The following ZNRF3 variants were observed in gnomAD, a reference collection of about 807,000 sequenced individuals.
The protein encoded by ZNRF3 is E3 ubiquitin-protein ligase ZNRF3.
Under a neutral mutation model 72.5 loss-of-function variants are expected in ZNRF3, and 23 were observed. The ratio of observed to expected loss-of-function variants is 0.32; its 90% CI spans 0.23 to 0.45. ZNRF3 has a LOEUF of 0.45. Ranked by LOEUF, ZNRF3 falls within the 20% of genes least tolerant of loss-of-function variation. The pLI is 1.00. For synonymous variants in ZNRF3, 610 were observed against 545.3 expected (o/e 1.12, Z -1.65); for missense variants, 1,169 against 1,272.1 (o/e 0.92, Z 1.23).
At position 29,053,696 on chromosome 22, in the gene ZNRF3, A is replaced by G; in HGVS notation, c.*74A>G. 4 of 1,484,366 alleles carry G rather than the reference A, an allele frequency of 2.7e-6. No individual in the cohort carries two copies. 91.9% of individuals were successfully genotyped at this position (1,484,366 alleles called of 1,614,324 possible). On this transcript the variant is annotated 3_prime_UTR_variant, in exon 9 of 9. Transcript: ENST00000544604. ...AAACTGACTTCTTTCAAAAAACAAA[A>G]ACAAAAAATTTTTTTAGCTTTGACA...
At chr22:29,041,988 A>G (rs972500702) in intron 2 of ZNRF3, among the ~76,000 whole-genome samples, 1 of 152,152 alleles carries the variant, frequency 6.6e-6, no homozygotes, top group Non-Finnish European at 1.5e-5. Flanking sequence ...GTTGATGTGT[A>G]GGTTGTTTTC....
chr22:28,986,595 G>T (rs2035858048), intron 1 of ZNRF3: 2 of 985,064 alleles, frequency 2.0e-6, no homozygotes, highest in African/African-American at 1.7e-5. Flanking sequence ...GGTGATTTCT[G>T]TGGTCTCTGC....
chr22:29,053,708 T>G lies in ZNRF3; in HGVS notation c.*86T>G. The G allele has an allele frequency of 7.1e-7, 1 of 1,409,058 alleles. No homozygotes were observed. Among genetic ancestry groups the G allele is most frequent in the Non-Finnish European group, 9.7e-7 (1 of 1,031,740 alleles). The allele number at this position is 1,409,058 out of a possible 1,614,324, so 87.3% of individuals were successfully genotyped here. On this transcript the variant is annotated 3_prime_UTR_variant, in exon 9 of 9. Coordinates refer to ENST00000544604, the MANE Select transcript of ZNRF3 (RefSeq NM_001206998.2). ...TTCAAAAAACAAAAACAAAAAATTT[T>G]TTTAGCTTTGACAAACACACAAAAG...
At chr22:28,928,490 CTTTTTTTTTTT>C (rs10710766) in intron 1 of ZNRF3, among the ~76,000 whole-genome samples, 2 of 80,602 alleles carry the variant, frequency 2.5e-5, no homozygotes, top group Admixed American at 3.2e-4. Flanking sequence ...CCAGAAATGT[CTTTTTTTTTTT>C]TTTTTTTTTT....
intron 1 of ZNRF3, among the ~76,000 whole-genome samples, chr22:28,890,458 C>T (rs1460346031): frequency 2.0e-5 from 3 of 152,090 alleles, no homozygotes; most frequent in African/African-American, 7.2e-5. Flanking sequence ...CGAGATCACG[C>T]CACTGCACTC....
chr22:29,048,785 T>C lies in ZNRF3; in HGVS notation c.1015+294T>C, dbSNP rs1346599954. On this transcript the variant is annotated intron_variant, in intron 7 of 8. Coordinates refer to ENST00000544604, the MANE Select transcript of ZNRF3 (RefSeq NM_001206998.2). This position sits in a 1 kb window ranked among gnomAD's most constrained non-coding sequence, Gnocchi z 4.9. ...ATCTCTTTAGTGGCAATGACAGTAA[T>C]GGTGTTTGCCCACACCCAGTACCAT... Among the ~76,000 whole-genome samples the C allele has an allele frequency of 6.6e-6, 1 of 152,220 alleles. No homozygotes were observed. The highest frequency in any genetic ancestry group is 1.9e-4 in the East Asian group (1 of 5,200).
intron 2 of ZNRF3, among the ~76,000 whole-genome samples, chr22:28,994,444 C>T (rs1035343403): frequency 1.2e-4 from 19 of 152,032 alleles, no homozygotes; most frequent in African/African-American, 3.6e-4. Context: ...CCACCTCAGC[C>T]TCCCAAAGTG....
intron 2 of ZNRF3, chr22:29,027,134 A>G (rs2036650924): frequency 6.6e-6 from 1 of 152,146 alleles, no homozygotes; most frequent in African/African-American, 2.4e-5. Flanking sequence ...TGCACCTAAG[A>G]GTTGGCCTGA....
chr22:28,996,796 GC>G (rs1456025254), intron 2 of ZNRF3, among the ~76,000 whole-genome samples: 1 of 152,206 alleles, frequency 6.6e-6, no homozygotes, highest in African/African-American at 2.4e-5. Flanking sequence ...TTTGCTGCTT[GC>G]ATTGGGATAT....
intron 1 of ZNRF3, among the ~76,000 whole-genome samples, chr22:28,972,807 C>G (rs1317525963): frequency 6.6e-6 from 1 of 152,164 alleles, no homozygotes; most frequent in Non-Finnish European, 1.5e-5. Flanking sequence ...TTTTGATTTG[C>G]ATTTCCTTGA....
rs1396141927 is a variant in ZNRF3, at chr22:29,049,429, C to T, written c.1248C>T (p.Ile416=). The T allele has an allele frequency of 3.7e-6, 6 of 1,606,606 alleles. No homozygotes were observed. The highest frequency in any genetic ancestry group is 2.7e-5 in the African/African-American group (2 of 75,026). Residue 416 remains isoleucine (I), a synonymous_variant, in exon 8 of 9, where the codon ATC becomes ATT. Transcript: ENST00000544604. This position sits in a 1 kb window ranked among gnomAD's most constrained non-coding sequence, Gnocchi z 5.2. The stretch of plus-strand genomic sequence containing the variant: ...ATTCCCCGCAGACCCCCGCCTACAT[C>T]CGCAGCTACCCACCCCTCCACCTGG... The part of the protein sequence containing the change: ...SLYSPQTPAY[I]RSYPPLHLDH...
At chr22:28,997,724 T>C (rs1365658806) in intron 2 of ZNRF3, among the ~76,000 whole-genome samples, 1 of 151,936 alleles carries the variant, frequency 6.6e-6, no homozygotes, top group Non-Finnish European at 1.5e-5. Context: ...AAAAAAAGAA[T>C]AAAGTGGCTG....
Position 28,942,207 on chromosome 22 carries a change from CA to C in ZNRF3, c.301-44866del, listed in dbSNP as rs2034960286. On this transcript the variant is annotated intron_variant, in intron 1 of 8. Transcript: ENST00000544604. ...TCTTTGAGGATCTGAAGTTTCTCAA[CA>C]AAGCTTGTCTGAAGCTATGTGATGT... Among the ~76,000 whole-genome samples, 4 of 152,222 alleles carry C rather than the reference CA, an allele frequency of 2.6e-5. No homozygotes were observed. The South Asian group carries it at 8.3e-4, about 32-fold the overall frequency.
At chr22:29,032,575 T>C (rs758391598) in intron 2 of ZNRF3, among the ~76,000 whole-genome samples, 4 of 152,244 alleles carry the variant, frequency 2.6e-5, no homozygotes, top group Non-Finnish European at 4.4e-5. Context: ...GAATATTATG[T>C]TCCAAGAAAA....
At chr22:28,990,421 A>T (rs2035933100) in intron 2 of ZNRF3, among the ~76,000 whole-genome samples, 1 of 152,190 alleles carries the variant, frequency 6.6e-6, no homozygotes, top group African/African-American at 2.4e-5. Flanking sequence ...ACGGTGGCTC[A>T]CACTTGTAAT....
intron 1 of ZNRF3, among the ~76,000 whole-genome samples, chr22:28,885,334 A>C (rs1453548042): frequency 6.6e-6 from 1 of 152,146 alleles, no homozygotes; most frequent in Non-Finnish European, 1.5e-5. Flanking sequence ...GCATTGCCTT[A>C]CCGGGCTCTT....
intron 1 of ZNRF3, among the ~76,000 whole-genome samples, chr22:28,948,582 G>A (rs186662695): frequency 1.2e-4 from 18 of 152,300 alleles, no homozygotes; most frequent in East Asian, 1.9e-4. Flanking sequence ...ATCCACTTCC[G>A]TACCTAGTCT....
At chr22:29,024,735 T>A (rs1036879917) in intron 2 of ZNRF3, among the ~76,000 whole-genome samples, 2 of 152,104 alleles carry the variant, frequency 1.3e-5, no homozygotes, top group Non-Finnish European at 2.9e-5. Context: ...TGGAAGCACA[T>A]TGCCACAGGA....
chr22:28,990,754 T>C (rs1409131205), intron 2 of ZNRF3, among the ~76,000 whole-genome samples: 5 of 152,174 alleles, frequency 3.3e-5, no homozygotes, highest in Admixed American at 3.3e-4. Flanking sequence ...TATGTTTATG[T>C]CCCGGGCATC....
Sources: allele counts gnomAD v4.1 joint callset (sites outside exome capture counted in the v4.1 genomes callset), GRCh38; gene constraint gnomAD v4.1.1; non-coding constraint Gnocchi (gnomAD v3.1); transcripts MANE v1.5; gene names NCBI Gene and HGNC (gene_info 2026-07-23, HGNC 2026-07-21).